CCDC187: variants seen among roughly 807,000 people sequenced by gnomAD.
CCDC187 encodes coiled-coil domain containing 187.
In CCDC187, 32 loss-of-function variants were observed where a neutral mutation model predicts 38.0. That is an observed-to-expected ratio of 0.84 (90% CI 0.64 to 1.13). CCDC187 has a LOEUF of 1.13. CCDC187 is among the 50% of genes most tolerant of loss of function. CCDC187 has a pLI of 0.00. For synonymous variants in CCDC187, 333 were observed against 347.9 expected, an observed-to-expected ratio of 0.96 and a Z score of 0.48; for missense variants, 707 against 786.8, an observed-to-expected ratio of 0.90 and a Z score of 1.21.
chr9:136,254,755 C>T lies in CCDC187; in HGVS notation c.5073G>A (p.Arg1691=), dbSNP rs534069921. Residue 1691 remains arginine (R), a synonymous_variant, in exon 26 of 26, where the codon CGG becomes CGA. Transcript: ENST00000638797. ...CTCCACCCCCAGGAGCACTGCCTGG[C>T]CGAGGCTCACCCTGGTTTGACCGCC... is the stretch of plus-strand genomic sequence containing the variant. ...LSWRSNQGEP[R]PGSAPGGGGW... is the part of the protein sequence containing the mutation. 3.6e-4 allele frequency: 357 copies of T among 985,536 alleles called. No individual in the cohort carries two copies. In the Middle Eastern group the frequency reaches 7.8e-3, roughly 22 times the overall value. The allele number at this position is 985,536 out of a possible 1,614,324, so 61.0% of individuals were successfully genotyped here. A position where few individuals can be genotyped will look rare whatever the true frequency, so the allele number is the denominator to read the frequency against.
chr9:136,273,346 C>T (rs62579948), intron 14 of CCDC187, among the ~76,000 whole-genome samples: 16,380 of 152,138 alleles, frequency 0.11, 1,200 homozygotes, highest in Admixed American at 0.19. Flanking sequence ...ATGAAACACC[C>T]GTTGAAGGAG....
intron 18 of CCDC187, 135 bp from the exon 19 acceptor site, chr9:136,262,597 G>T: frequency 2.8e-6 from 2 of 706,856 alleles, no homozygotes; most frequent in Non-Finnish European, 3.5e-6. Flanking sequence ...CCCACTGGGT[G>T]CCAGGCTGAG....
At chr9:136,285,790 C>A (rs1400820793) in intron 8 of CCDC187, 184 bp from the exon 9 acceptor site, 2 of 396,994 alleles carry the variant, frequency 5.0e-6, no homozygotes, top group Non-Finnish European at 8.9e-6. Flanking sequence ...GAAGGAGCCA[C>A]TGGAGCGGCC....
At position 136,258,740 on chromosome 9, in the gene CCDC187, G is replaced by A. The variant is rs1389826537; in HGVS notation, c.4366+192C>T. 18 of 985,332 alleles carry A rather than the reference G, an allele frequency of 1.8e-5. No individual in the cohort carries two copies. The highest frequency in any genetic ancestry group is 4.7e-5 in the South Asian group (1 of 21,294). 61.0% of individuals were successfully genotyped at this position (985,332 alleles called of 1,614,324 possible). A position where few individuals can be genotyped will look rare whatever the true frequency, so the allele number is the denominator to read the frequency against. ...CCAGAAGAGCCGCTGCGTCACCTCC[G>A]GTAGGAGATGGAGCCGGCCACTCTT... On this transcript the variant is annotated intron_variant, in intron 22 of 25. Transcript: ENST00000638797. This position sits in a 1 kb window ranked among gnomAD's most constrained non-coding sequence, Gnocchi z 4.3.
In CCDC187 at chr9:136,263,687, GGA is replaced by G. The variant is rs1830707244; in HGVS notation, c.3845_3846del (p.Leu1282ProfsTer77). The G allele has an allele frequency of 1.0e-6, 1 of 985,328 alleles. No homozygotes were observed. 61.0% of individuals were successfully genotyped at this position (985,328 alleles called of 1,614,324 possible). A position where few individuals can be genotyped will look rare whatever the true frequency, so the allele number is the denominator to read the frequency against. ...ACGACGTCCGTGGGCCCCGGGATGG[GGA>G]GGATGTCCACAGGCCCCGGCATGGA... Reference protein sequence around the residue: ...VVSMPGPVDILPIPGPTDVVP... With the variant: ...VVSMPGPVDIXPIPGPTDVVP... On this transcript the variant is annotated frameshift_variant, in exon 18 of 26. Transcript: ENST00000638797. LOFTEE classifies it high-confidence loss of function.
intron 4 of CCDC187, chr9:136,296,520 G>A (rs1317042310): frequency 1.7e-4 from 26 of 152,342 alleles, no homozygotes; most frequent in African/African-American, 5.5e-4. Context: ...TGTGAACCTC[G>A]GTTGCCTCAT....
chr9:136,284,670 G>A (rs1243892218), intron 9 of CCDC187, among the ~76,000 whole-genome samples: 3 of 151,806 alleles, frequency 2.0e-5, no homozygotes, highest in Non-Finnish European at 4.4e-5. Context: ...CAGCAAGAGC[G>A]AGAGGCCGGC....
At position 136,252,923 on chromosome 9, in the gene CCDC187, A is replaced by G. The variant is rs75349291; in HGVS notation, c.*671T>C. The G allele has an allele frequency of 0.045, 6,896 of 152,314 alleles. 169 individuals are homozygous for G. Among genetic ancestry groups the G allele is most frequent in the Middle Eastern group, 0.095 (28 of 296 alleles). 9.4% of individuals were successfully genotyped at this position (152,314 alleles called of 1,614,324 possible). A position where few individuals can be genotyped will look rare whatever the true frequency, so the allele number is the denominator to read the frequency against. ...TACCTGGCAGCTCAGGCCTCCCTCA[A>G]CGTCCTCACCAGCATGCTCAAGGGA... On this transcript the variant is annotated 3_prime_UTR_variant, in exon 26 of 26. Transcript: ENST00000638797.
At chr9:136,293,456 C>CAT (rs1831424750) in intron 4 of CCDC187, among the ~76,000 whole-genome samples, 2 of 138,342 alleles carry the variant, frequency 1.4e-5, no homozygotes, top group Admixed American at 1.4e-4. Flanking sequence ...CACATGCTCA[C>CAT]ACTCACACTC....
intron 4 of CCDC187, among the ~76,000 whole-genome samples, chr9:136,293,886 TCA>T (rs1407812285): frequency 1.3e-5 from 2 of 150,842 alleles, no homozygotes; most frequent in African/African-American, 4.9e-5. Context: ...ACTCACACGC[TCA>T]CACACAACCA....
chr9:136,255,355 G>A (rs1207270864), intron 25 of CCDC187, among the ~76,000 whole-genome samples: 6 of 151,930 alleles, frequency 3.9e-5, no homozygotes, highest in South Asian at 4.2e-4. Context: ...GGGCCTTGCC[G>A]AGCCTCGGGC....
chr9:136,290,105 C>T lies in CCDC187; in HGVS notation c.2128-52G>A, dbSNP rs1327042142. The T allele has an allele frequency of 1.0e-5, 4 of 398,638 alleles. No individual in the cohort carries two copies. In the East Asian group the frequency reaches 1.4e-4, roughly 14 times the overall value. 24.7% of individuals were successfully genotyped at this position (398,638 alleles called of 1,614,324 possible). A position where few individuals can be genotyped will look rare whatever the true frequency, so the allele number is the denominator to read the frequency against. Reference sequence around the variant, plus strand: ...GCCCCCCGCTCGGGAAGACCACACGCCCCGTTCTCTCAGCCTCAGAGCTAG... The same window carrying T: ...GCCCCCCGCTCGGGAAGACCACACGTCCCGTTCTCTCAGCCTCAGAGCTAG... On this transcript the variant is annotated intron_variant, in intron 6 of 25. Coordinates refer to ENST00000638797, the MANE Select transcript of CCDC187 (RefSeq NM_001378188.1).
intron 4 of CCDC187, among the ~76,000 whole-genome samples, chr9:136,293,676 C>T (rs1482045639): frequency 7.0e-6 from 1 of 143,156 alleles, no homozygotes; most frequent in Non-Finnish European, 1.5e-5. Context: ...ACACGCATGC[C>T]CTCGCACGTG....
chr9:136,302,667 G>C, intron 2 of CCDC187, 145 bp downstream of exon 2: 1 of 397,574 alleles, frequency 2.5e-6, no homozygotes, highest in Non-Finnish European at 4.4e-6. Flanking sequence ...ACCCCTTCAT[G>C]ACTCCTAATC....
intron 4 of CCDC187, among the ~76,000 whole-genome samples, chr9:136,293,451 GCTCACACT>G (rs1332816226): frequency 2.9e-5 from 1 of 34,536 alleles, no homozygotes; most frequent in Non-Finnish European, 6.1e-5. Flanking sequence ...ACTCACACAT[GCTCACACT>G]CACACTCACA....
chr9:136,256,076 G>T, intron 24 of CCDC187, 135 bp downstream of exon 24: 1 of 331,260 alleles, frequency 3.0e-6, no homozygotes. Flanking sequence ...CAGGGTGGGT[G>T]CAGGGCTGTG....
rs918679723 is a variant in CCDC187 at position 136,280,107 on chromosome 9, C to T, written c.3040+1444G>A. Among the ~76,000 whole-genome samples, 18 of 152,368 alleles carry T rather than the reference C, an allele frequency of 1.2e-4. No homozygotes were observed. In the South Asian group the frequency reaches 1.9e-3, roughly 16 times the overall value. On this transcript the variant is annotated intron_variant, in intron 10 of 25. Coordinates refer to ENST00000638797, the MANE Select transcript of CCDC187 (RefSeq NM_001378188.1). ...ATAAACAACCAAGGCCAGAGGCCCA[C>T]GGGGGCCTTCCTGGCTCTGAACTGC...
chr9:136,293,321 TCA>T (rs1283230923), intron 4 of CCDC187, among the ~76,000 whole-genome samples: 13 of 130,660 alleles, frequency 9.9e-5, no homozygotes, highest in Non-Finnish European at 1.6e-4. Context: ...ACACTCACAC[TCA>T]CATGCTTACA....
upstream of CCDC187, among the ~76,000 whole-genome samples, chr9:136,306,631 T>A (rs2131378522): frequency 6.6e-6 from 1 of 152,260 alleles, no homozygotes; most frequent in African/African-American, 2.4e-5. Context: ...AAGTCATGTG[T>A]CCAGGGTCCC....
Sources: allele counts gnomAD v4.1 joint callset (sites outside exome capture counted in the v4.1 genomes callset), GRCh38; gene constraint gnomAD v4.1.1; non-coding constraint Gnocchi (gnomAD v3.1); transcripts MANE v1.5; gene names NCBI Gene and HGNC (gene_info 2026-07-23, HGNC 2026-07-21).